KIF6: variants seen among roughly 807,000 people sequenced by gnomAD.
KIF6 encodes the protein kinesin-like protein KIF6.
In KIF6, 106 loss-of-function variants were observed where a neutral mutation model predicts 112.7. The observed-to-expected ratio is 0.94, with a 90% confidence interval of 0.80 to 1.11. The LOEUF (loss-of-function observed/expected upper bound fraction) is 1.11. Among genes scored for constraint, KIF6 ranks in the 50% least tolerant of loss-of-function variants. KIF6 has a pLI of 0.00. For synonymous variants in KIF6, 339 were observed against 339.9 expected (o/e 1.00, Z 0.03); for missense variants, 929 against 964.0 (o/e 0.96, Z 0.48).
intron 13 of KIF6, among the ~76,000 whole-genome samples, chr6:39,505,579 A>T (rs1215735546): frequency 6.6e-6 from 1 of 152,236 alleles, no homozygotes; most frequent in Admixed American, 6.5e-5. Context: ...ACAGAATGGG[A>T]GAGAATTTTT....
intron 2 of KIF6, among the ~76,000 whole-genome samples, chr6:39,715,524 G>GTTTTTT: frequency 1.1e-5 from 1 of 87,784 alleles, no homozygotes. Context: ...TTTTTTTTGA[G>GTTTTTT]ACAGAGTCTC....
At chr6:39,574,895 T>G (rs1291174163) in intron 10 of KIF6, among the ~76,000 whole-genome samples, 8 of 152,222 alleles carry the variant, frequency 5.3e-5, no homozygotes, top group African/African-American at 1.9e-4. Context: ...CTCACCAATC[T>G]GCCCCTCGGT....
In KIF6 at chr6:39,429,635, C is replaced by T. The variant is rs536283755; in HGVS notation, c.1754+1418G>A. 8.3e-4 allele frequency among the ~76,000 whole-genome samples: 126 copies of T among 152,334 alleles called. 5 individuals are homozygous for T. In the South Asian group the frequency reaches 0.024, roughly 29 times the overall value. On this transcript the variant is annotated intron_variant, in intron 14 of 22. Coordinates refer to ENST00000287152, the MANE Select transcript of KIF6 (RefSeq NM_145027.6). Reference sequence around the variant, plus strand: ...TTTCTAAAAATGTTTTTAGGCCAGGCGCAGTGGCTCATGCCTGTAATCCCA... The same window carrying T: ...TTTCTAAAAATGTTTTTAGGCCAGGTGCAGTGGCTCATGCCTGTAATCCCA...
chr6:39,493,291 CA>C (rs1369491648), intron 13 of KIF6, among the ~76,000 whole-genome samples: 1 of 152,182 alleles, frequency 6.6e-6, no homozygotes, highest in Non-Finnish European at 1.5e-5. Flanking sequence ...CAGATGAGGA[CA>C]TTGAGGTTTT....
At chr6:39,621,485 C>T (rs1382386821) in intron 5 of KIF6, among the ~76,000 whole-genome samples, 1 of 152,208 alleles carries the variant, frequency 6.6e-6, no homozygotes, top group East Asian at 1.9e-4. Context: ...CTCGTTGCAT[C>T]TCTGTCTCCT....
At chr6:39,422,920 C>T (rs976042056) in intron 14 of KIF6, among the ~76,000 whole-genome samples, 6 of 152,226 alleles carry the variant, frequency 3.9e-5, no homozygotes, top group Admixed American at 1.3e-4. Context: ...GTATGCTGCA[C>T]CCCTGTACGA....
At position 39,362,453 on chromosome 6, in the gene KIF6, G is replaced by A. The variant is rs1765234693; in HGVS notation, c.1927C>T (p.Leu643=). The A allele has an allele frequency of 1.2e-6, 2 of 1,613,892 alleles. No individual in the cohort carries two copies. Among genetic ancestry groups the A allele is most frequent in the Non-Finnish European group, 1.7e-6 (2 of 1,179,902 alleles). ...GGGCACCTTCTCTTTTCTTCCTCCA[G>A]TTGTGATCGCAGCTTCTCCTCCTGC... is the stretch of plus-strand genomic sequence containing the variant. ...DQQEEKLRSQ[L]EEEKRRYKTM... The change falls in exon 17 of 23, where the codon CTG becomes TTG. Residue 643 remains leucine (L), a synonymous_variant. Transcript: ENST00000287152.
chr6:39,428,362 A>G (rs1052203064), intron 14 of KIF6, among the ~76,000 whole-genome samples: 1 of 152,238 alleles, frequency 6.6e-6, no homozygotes, highest in Admixed American at 6.5e-5. Context: ...ATCTTCAGAC[A>G]GACAAGGTAT....
At chr6:39,624,907 A>G (rs10456472) in intron 5 of KIF6, among the ~76,000 whole-genome samples, 9,656 of 152,232 alleles carry the variant, frequency 0.063, 638 homozygotes, top group East Asian at 0.38. Flanking sequence ...CCAAATTCAT[A>G]TGTTGAAGCC....
chr6:39,437,003 G>T (rs1771574068), intron 13 of KIF6, among the ~76,000 whole-genome samples: 1 of 149,386 alleles, frequency 6.7e-6, no homozygotes, highest in African/African-American at 2.5e-5. Flanking sequence ...CATGAGCATG[G>T]GATGTTTTTC....
Position 39,596,216 on chromosome 6 carries a change from G to A in KIF6, c.684C>T (p.Thr228=), listed in dbSNP as rs377434082. ...QASTRSHCIF[T]IHLSSKEPGS... ...CTGGTTCCTTGCTTGACAAATGAATGGTGAAAATGCAGTGGGAACGGGTTG... is the reference window on the plus strand; with the variant it reads ...CTGGTTCCTTGCTTGACAAATGAATAGTGAAAATGCAGTGGGAACGGGTTG... The change falls in exon 7 of 23, where the codon ACC becomes ACT. Residue 228 remains threonine (T), a synonymous_variant. Coordinates refer to ENST00000287152, the MANE Select transcript of KIF6 (RefSeq NM_145027.6). 1.5e-5 allele frequency: 24 copies of A among 1,613,934 alleles called. No individual in the cohort carries two copies. The African/African-American group carries it at 2.5e-4, about 17-fold the overall frequency.
At chr6:39,672,196 G>C (rs1786856515) in intron 3 of KIF6, among the ~76,000 whole-genome samples, 2 of 152,138 alleles carry the variant, frequency 1.3e-5, no homozygotes, top group African/African-American at 2.4e-5. Flanking sequence ...TGCCTGGGCT[G>C]GTCTCAAATT....
intron 13 of KIF6, among the ~76,000 whole-genome samples, chr6:39,462,573 G>C (rs562400779): frequency 2.2e-4 from 34 of 152,260 alleles, no homozygotes; most frequent in African/African-American, 8.2e-4. Context: ...GGGCTGGGAA[G>C]AGAGCCAATA....
At chr6:39,658,696 A>T (rs1230965677) in intron 3 of KIF6, among the ~76,000 whole-genome samples, 1 of 152,202 alleles carries the variant, frequency 6.6e-6, no homozygotes, top group Non-Finnish European at 1.5e-5. Flanking sequence ...AGAGTCATAC[A>T]TTAAATAATT....
At chr6:39,475,638 G>A (rs1182195247) in intron 13 of KIF6, among the ~76,000 whole-genome samples, 1 of 152,130 alleles carries the variant, frequency 6.6e-6, no homozygotes, top group Non-Finnish European at 1.5e-5. Context: ...GTGGGCTGTT[G>A]CTCCTGACTC....
intron 3 of KIF6, among the ~76,000 whole-genome samples, chr6:39,642,592 G>A (rs953136521): frequency 6.6e-6 from 1 of 152,096 alleles, no homozygotes; most frequent in Non-Finnish European, 1.5e-5. Context: ...CACTCAGTGT[G>A]AGCAGCCCTG....
Position 39,390,048 on chromosome 6 carries a change from A to AAAAG in KIF6, c.1811-4377_1811-4376insCTTT, listed in dbSNP as rs1554206215. Among the ~76,000 whole-genome samples, 1,183 of 137,272 alleles carry AAAAG rather than the reference A, an allele frequency of 8.6e-3. 62 individuals carry two copies. Among genetic ancestry groups the AAAAG allele is most frequent in the African/African-American group, 0.033 (1,075 of 32,380 alleles). 90.1% of individuals were successfully genotyped at this position (137,272 alleles called of 152,430 possible). A position where few individuals can be genotyped will look rare whatever the true frequency, so the allele number is the denominator to read the frequency against. On this transcript the variant is annotated intron_variant, in intron 15 of 22. Coordinates refer to ENST00000287152, the MANE Select transcript of KIF6 (RefSeq NM_145027.6). ...TCTGTCTCCAAAAAAAAAAAAAAAA[A>AAAAG]AAAAGGAAATAATTACAAATCTGGA...
chr6:39,378,546 T>A lies in KIF6; in HGVS notation c.1861+7076A>T, dbSNP rs1766646637. 6.6e-6 allele frequency among the ~76,000 whole-genome samples: 1 copy of A among 151,834 alleles called. No homozygotes were observed. Among genetic ancestry groups the A allele is most frequent in the Non-Finnish European group, 1.5e-5 (1 of 67,964 alleles). On this transcript the variant is annotated intron_variant, in intron 16 of 22. Coordinates refer to ENST00000287152, the MANE Select transcript of KIF6 (RefSeq NM_145027.6). This position sits in a 1 kb window ranked among gnomAD's most constrained non-coding sequence, Gnocchi z 5.0. ...CCAACTAACCCAAACTATTTCCCAC[T>A]CTTCTCTGTGGTTCAGAATCCTGCC...
intron 22 of KIF6, among the ~76,000 whole-genome samples, chr6:39,338,748 C>T (rs1483415472): frequency 6.6e-6 from 1 of 152,180 alleles, no homozygotes; most frequent in Non-Finnish European, 1.5e-5. Flanking sequence ...AGTACAAGGA[C>T]TGGCAGGGCA....
Sources: allele counts gnomAD v4.1 joint callset (sites outside exome capture counted in the v4.1 genomes callset), GRCh38; gene constraint gnomAD v4.1.1; non-coding constraint Gnocchi (gnomAD v3.1); transcripts MANE v1.5; gene names NCBI Gene and HGNC (gene_info 2026-07-23, HGNC 2026-07-21).